Variants in PTP4A1 observed in about 807,000 individuals in gnomAD.
PTP4A1 encodes the protein protein tyrosine phosphatase type IVA 1.
A neutral mutation model predicts 20.5 loss-of-function variants in PTP4A1; 9 were observed. That is an observed-to-expected ratio of 0.44 (90% CI 0.26 to 0.77). The LOEUF is 0.77. Among genes scored for constraint, PTP4A1 ranks in the 30% least tolerant of loss-of-function variants. The pLI is 0.19. For synonymous variants in PTP4A1, 78 were observed against 67.4 expected, an observed-to-expected ratio of 1.16 and a Z score of -0.77; for missense variants, 137 against 218.8, an observed-to-expected ratio of 0.63 and a Z score of 2.36.
rs947354115 is a variant in PTP4A1, at chr6:63,580,188, A to G, written c.*14A>G. On this transcript the variant is annotated 3_prime_UTR_variant, in exon 6 of 6. Transcript: ENST00000626021. The stretch of plus-strand genomic sequence containing the variant: ...TGCATTCAATAAAATTGGGGTGCCT[A>G]ATGCTACTGGAAGTGGAACTTGAGA... 3.2e-6 allele frequency: 5 copies of G among 1,570,130 alleles called. No individual in the cohort carries two copies. In the African/African-American group the frequency reaches 4.1e-5, roughly 13 times the overall value.
intron 2 of PTP4A1, among the ~76,000 whole-genome samples, chr6:63,546,111 T>C (rs1331864937): frequency 2.0e-5 from 3 of 151,942 alleles, no homozygotes; most frequent in African/African-American, 7.3e-5. Flanking sequence ...AGCCAACAAA[T>C]AAAGAAAATG....
chr6:63,521,064 C>T (rs1276125776), upstream of PTP4A1, among the ~76,000 whole-genome samples: 1 of 151,828 alleles, frequency 6.6e-6, no homozygotes, highest in East Asian at 1.9e-4. Flanking sequence ...AGGTGAACAT[C>T]ATATACTGGG....
upstream of PTP4A1, among the ~76,000 whole-genome samples, chr6:63,516,829 G>A (rs1313190441): frequency 3.3e-5 from 5 of 152,164 alleles, no homozygotes; most frequent in Non-Finnish European, 5.9e-5. Flanking sequence ...TGGACATGAA[G>A]GCAGAAGCTC....
At chr6:63,545,324 C>T (rs1305793309) in intron 2 of PTP4A1, among the ~76,000 whole-genome samples, 1 of 152,122 alleles carries the variant, frequency 6.6e-6, no homozygotes, top group Admixed American at 6.6e-5. Context: ...GTGGAAATTT[C>T]TTAGGCTGGG....
chr6:63,535,956 A>G (rs757900460), intron 2 of PTP4A1, among the ~76,000 whole-genome samples: 19 of 151,774 alleles, frequency 1.3e-4, no homozygotes, highest in South Asian at 6.3e-4. Flanking sequence ...TATTTTTTGT[A>G]GAGACAGTGT....
In PTP4A1 at chr6:63,541,659, C is replaced by T. The variant is rs150096196; in HGVS notation, c.-639-8641C>T. ...TATCACCCCTTGATTGATGAACTTA[C>T]CATATATTTCACCAAGCAATTAGAA... On this transcript the variant is annotated intron_variant, in intron 2 of 3. Transcript: ENST00000639568. Among the ~76,000 whole-genome samples, 18 of 152,244 alleles carry T rather than the reference C, an allele frequency of 1.2e-4. No homozygotes were observed. In the East Asian group the frequency reaches 3.5e-3, roughly 29 times the overall value.
intron 2 of PTP4A1, among the ~76,000 whole-genome samples, chr6:63,534,151 A>T (rs1775598474): frequency 6.6e-6 from 1 of 151,954 alleles, no homozygotes; most frequent in Non-Finnish European, 1.5e-5. Flanking sequence ...CCGAACAAAC[A>T]TTTTTTTAAT....
intron 2 of PTP4A1, among the ~76,000 whole-genome samples, chr6:63,538,185 C>T: frequency 6.6e-6 from 1 of 152,096 alleles, no homozygotes; most frequent in Admixed American, 6.5e-5. Flanking sequence ...TTGGTGTTTA[C>T]CAGTAGGGAA....
chr6:63,578,229 A>C (rs1777998391), intron 2 of PTP4A1, among the ~76,000 whole-genome samples: 1 of 152,214 alleles, frequency 6.6e-6, no homozygotes, highest in Admixed American at 6.5e-5. Flanking sequence ...TATGTATGGT[A>C]TTTAATATTC....
intron 2 of PTP4A1, among the ~76,000 whole-genome samples, chr6:63,540,515 A>G (rs1353319630): frequency 1.3e-5 from 2 of 151,826 alleles, no homozygotes; most frequent in East Asian, 3.9e-4. Flanking sequence ...CAGCTACTCA[A>G]GAGGCTGAGG....
At chr6:63,565,505 A>G (rs1237459350) in intron 3 of PTP4A1, among the ~76,000 whole-genome samples, 1 of 152,210 alleles carries the variant, frequency 6.6e-6, no homozygotes, top group Non-Finnish European at 1.5e-5. Flanking sequence ...ATATTACCTC[A>G]AATGGTTTGA....
At chr6:63,552,150 G>C (rs1213529214) in intron 3 of PTP4A1, among the ~76,000 whole-genome samples, 2 of 152,182 alleles carry the variant, frequency 1.3e-5, no homozygotes, top group Non-Finnish European at 2.9e-5. Context: ...CTAGTTTACA[G>C]TCCCACCAAC....
Position 63,528,628 on chromosome 6 carries a change from G to A in PTP4A1, c.-640+544G>A, listed in dbSNP as rs576030001. Among the ~76,000 whole-genome samples, 20 of 152,180 alleles carry A rather than the reference G, an allele frequency of 1.3e-4. 2 individuals are homozygous for A. The South Asian group carries it at 3.7e-3, about 28-fold the overall frequency. ...GCCAGGCATGGCGGCATGCATGGTG[G>A]TGTGCGCCTGTCATCCCAGCTACTC... On this transcript the variant is annotated intron_variant, in intron 2 of 3. Coordinates refer to the PTP4A1 transcript ENST00000639568.
intron 1 of PTP4A1, among the ~76,000 whole-genome samples, chr6:63,526,831 A>ATATT (rs1310303685): frequency 3.8e-5 from 5 of 132,354 alleles, no homozygotes; most frequent in African/African-American, 1.5e-4. Context: ...ATATATATAT[A>ATATT]TATATTTATT....
At chr6:63,549,458 C>T in intron 2 of PTP4A1, 1 of 793,248 alleles carries the variant, frequency 1.3e-6, no homozygotes, top group South Asian at 1.4e-5. Flanking sequence ...TTCTTCACGA[C>T]AGCAGGGCCG....
intron 1 of PTP4A1, among the ~76,000 whole-genome samples, chr6:63,523,670 C>A (rs144419887): frequency 5.2e-4 from 79 of 152,280 alleles, no homozygotes; most frequent in Middle Eastern, 6.8e-3. Context: ...TGGCCCAGGA[C>A]ACTTTCAATA....
Position 63,579,348 on chromosome 6 carries a change from C to G in PTP4A1, c.404+17C>G, listed in dbSNP as rs1369833121. On this transcript the variant is annotated intron_variant, in intron 5 of 5. Coordinates refer to ENST00000626021, the MANE Select transcript of PTP4A1 (RefSeq NM_003463.5). ...CATAAGACAGTAAGTAATGGATTCTCTTTTCATTTGTACTCTCTTTCATTT... is the reference window on the plus strand; with the variant it reads ...CATAAGACAGTAAGTAATGGATTCTGTTTTCATTTGTACTCTCTTTCATTT... 1.3e-6 allele frequency: 2 copies of G among 1,558,390 alleles called. No individual in the cohort carries two copies. Among genetic ancestry groups the G allele is most frequent in the Non-Finnish European group, 1.8e-6 (2 of 1,140,600 alleles).
intron 3 of PTP4A1, among the ~76,000 whole-genome samples, chr6:63,566,754 T>A (rs533227540): frequency 6.6e-6 from 1 of 152,286 alleles, no homozygotes; most frequent in Non-Finnish European, 1.5e-5. Context: ...GCTGCATTGA[T>A]GACTCCACAA....
At chr6:63,566,712 T>C (rs1306189988) in intron 3 of PTP4A1, among the ~76,000 whole-genome samples, 1 of 152,194 alleles carries the variant, frequency 6.6e-6, no homozygotes, top group South Asian at 2.1e-4. Context: ...AAGGTGGCTG[T>C]GGCAATTTCT....
Sources: allele counts gnomAD v4.1 joint callset (sites outside exome capture counted in the v4.1 genomes callset), GRCh38; gene constraint gnomAD v4.1.1; transcripts MANE v1.5; gene names NCBI Gene and HGNC (gene_info 2026-07-23, HGNC 2026-07-21).